The following RIMS2 variants were observed in gnomAD, a reference collection of about 807,000 sequenced individuals.
RIMS2 encodes the protein regulating synaptic membrane exocytosis 2, also known as regulating synaptic membrane exocytosis protein 2.
Under a neutral mutation model 174.4 loss-of-function variants are expected in RIMS2, and 59 were observed. The observed-to-expected ratio is 0.34, with a 90% CI of 0.27 to 0.42. The LOEUF (loss-of-function observed/expected upper bound fraction) is 0.42, where lower values mean the gene tolerates loss of function less well. Ranked by LOEUF, RIMS2 falls within the 10% of genes least tolerant of loss-of-function variation. RIMS2 has a pLI of 1.00. For synonymous variants in RIMS2, 606 were observed against 572.5 expected (o/e 1.06, Z -0.84); for missense variants, 1,620 against 1,666.3 (o/e 0.97, Z 0.48).
chr8:104,206,062 T>G (rs1458116206), intron 19 of RIMS2, among the ~76,000 whole-genome samples: 2 of 152,192 alleles, frequency 1.3e-5, no homozygotes, highest in Non-Finnish European at 2.9e-5. Flanking sequence ...AGCCAAGAAC[T>G]GCTTATTTAT....
intron 19 of RIMS2, among the ~76,000 whole-genome samples, chr8:104,235,886 A>G (rs1002572387): frequency 1.3e-5 from 2 of 152,078 alleles, no homozygotes; most frequent in Admixed American, 6.6e-5. Flanking sequence ...TTGTCCCCCA[A>G]AAAAATGTTT....
At chr8:103,959,411 G>C (rs1329529687) in intron 14 of RIMS2, among the ~76,000 whole-genome samples, 1 of 151,508 alleles carries the variant, frequency 6.6e-6, no homozygotes. Flanking sequence ...ATATTAACAT[G>C]CATACCTAAA....
chr8:103,959,705 T>C (rs1389251051), intron 14 of RIMS2, among the ~76,000 whole-genome samples: 1 of 152,138 alleles, frequency 6.6e-6, no homozygotes, highest in Admixed American at 6.5e-5. Context: ...ATTACAGGCG[T>C]GAGCCACCGT....
Position 103,962,711 on chromosome 8 carries a change from C to G in RIMS2, c.2770+1578C>G, listed in dbSNP as rs528123451. 2.0e-5 allele frequency among the ~76,000 whole-genome samples: 3 copies of G among 152,228 alleles called. No individual in the cohort carries two copies. The East Asian group carries it at 5.8e-4, about 29-fold the overall frequency. On this transcript the variant is annotated intron_variant, in intron 15 of 23. Coordinates refer to ENST00000504942, the Ensembl canonical transcript of RIMS2. Reference sequence around the variant, plus strand: ...CAATCACAGCTCACTGCATCCTCAACTTCCCCAGGCTCATTTGACCCTCTC... The same window carrying G: ...CAATCACAGCTCACTGCATCCTCAAGTTCCCCAGGCTCATTTGACCCTCTC...
At chr8:104,184,026 A>C (rs1055661030) in intron 19 of RIMS2, among the ~76,000 whole-genome samples, 1 of 151,516 alleles carries the variant, frequency 6.6e-6, no homozygotes, top group African/African-American at 2.4e-5. Context: ...ATTTTTTCCT[A>C]TGGCCATGGT....
intron 1 of RIMS2, among the ~76,000 whole-genome samples, chr8:103,504,054 C>T (rs755692552): frequency 2.6e-5 from 4 of 152,066 alleles, no homozygotes; most frequent in Non-Finnish European, 5.9e-5. Flanking sequence ...TTAAAAATCT[C>T]AGTAGAACCC....
chr8:104,130,736 C>A (rs1481617772), intron 19 of RIMS2, among the ~76,000 whole-genome samples: 1 of 152,060 alleles, frequency 6.6e-6, no homozygotes, highest in African/African-American at 2.4e-5. Flanking sequence ...GAAAGCACAT[C>A]AAAGTTATCC....
At chr8:104,048,656 A>T (rs1391163976) in intron 19 of RIMS2, among the ~76,000 whole-genome samples, 2 of 152,186 alleles carry the variant, frequency 1.3e-5, no homozygotes, top group African/African-American at 2.4e-5. Context: ...TAATGGGGCA[A>T]TGGCTAAATA....
rs1390707804 is a variant in RIMS2 at position 103,740,009 on chromosome 8, G to A, written c.388-26218G>A. 3.3e-5 allele frequency among the ~76,000 whole-genome samples: 5 copies of A among 152,114 alleles called. No individual in the cohort carries two copies. In the South Asian group the frequency reaches 1.0e-3, roughly 32 times the overall value. On this transcript the variant is annotated intron_variant, in intron 2 of 23. Transcript: ENST00000504942. ...GATTAAGATGCATATTTATAAATAT[G>A]AACCTTGTCCCAGGCCCAGAGAGAA...
chr8:103,522,091 A>C (rs1282221151), intron 1 of RIMS2, among the ~76,000 whole-genome samples: 1 of 152,066 alleles, frequency 6.6e-6, no homozygotes, highest in Non-Finnish European at 1.5e-5. Context: ...TCAAAGAAAA[A>C]ATCTTCAATA....
intron 2 of RIMS2, among the ~76,000 whole-genome samples, 186 bp from the exon 6 acceptor site, chr8:103,766,041 A>G (rs2098167093): frequency 6.6e-6 from 1 of 152,220 alleles, no homozygotes; most frequent in African/African-American, 2.4e-5. Context: ...CTATTTCATT[A>G]GAATTATTCA....
chr8:103,662,767 A>G (rs918872628), intron 1 of RIMS2, among the ~76,000 whole-genome samples: 4 of 152,156 alleles, frequency 2.6e-5, no homozygotes, highest in African/African-American at 9.7e-5. Context: ...ACAAGCTACA[A>G]GTGTAATTTT....
Position 104,129,362 on chromosome 8 carries a change from G to A in RIMS2, c.3334+114747G>A, listed in dbSNP as rs1292045400. Among the ~76,000 whole-genome samples the A allele has an allele frequency of 2.0e-5, 3 of 152,162 alleles. No homozygotes were observed. In the East Asian group the frequency reaches 5.8e-4, roughly 29 times the overall value. ...GTAATACAACTACACTCCGGCCTGGGAACGAGCAAGACCCTGTCTCAAAGA... is the reference window on the plus strand; with the variant it reads ...GTAATACAACTACACTCCGGCCTGGAAACGAGCAAGACCCTGTCTCAAAGA... On this transcript the variant is annotated intron_variant, in intron 19 of 23. Transcript: ENST00000504942.
chr8:104,144,984 CCAT>C (rs1181764125), intron 19 of RIMS2, among the ~76,000 whole-genome samples: 1 of 152,172 alleles, frequency 6.6e-6, no homozygotes, highest in Non-Finnish European at 1.5e-5. Flanking sequence ...CCATCCCCCA[CCAT>C]CAAGAATATC....
At chr8:103,895,891 A>T (rs2099274892) in intron 4 of RIMS2, among the ~76,000 whole-genome samples, 1 of 151,450 alleles carries the variant, frequency 6.6e-6, no homozygotes, top group African/African-American at 2.4e-5. Flanking sequence ...TGTTAGCCAA[A>T]GATTTGGGTA....
At chr8:103,641,221 G>A (rs898160206) in intron 1 of RIMS2, among the ~76,000 whole-genome samples, 1 of 151,838 alleles carries the variant, frequency 6.6e-6, no homozygotes, top group South Asian at 2.1e-4. Flanking sequence ...ACATTGCTTG[G>A]TGTTATTTAT....
rs757588060 is a variant in RIMS2 at position 103,961,091 on chromosome 8, GTC to G, written c.2732_2733del (p.Ser911Ter). 1 of 1,505,034 alleles carries G rather than the reference GTC, an allele frequency of 6.6e-7. No individual in the cohort carries two copies. Among genetic ancestry groups the G allele is most frequent in the South Asian group, 1.1e-5 (1 of 88,690 alleles). 93.2% of individuals were successfully genotyped at this position (1,505,034 alleles called of 1,614,324 possible). On this transcript the variant is annotated frameshift_variant, in exon 15 of 24. Coordinates refer to ENST00000504942, the Ensembl canonical transcript of RIMS2. LOFTEE classifies it high-confidence loss of function. ...GTCAAAGAGAATAAGTGATAGTGAAGTCTCTGACTATGACTGTGATGATGGAA... is the reference window on the plus strand; with the variant it reads ...GTCAAAGAGAATAAGTGATAGTGAAGTCTGACTATGACTGTGATGATGGAA...
chr8:103,910,523 T>A, intron 5 of RIMS2: 1 of 1,585,860 alleles, frequency 6.3e-7, no homozygotes, highest in Non-Finnish European at 8.6e-7. Flanking sequence ...ATAGCCATAG[T>A]GATAAGGTAC....
intron 3 of RIMS2, among the ~76,000 whole-genome samples, chr8:103,884,783 G>C (rs1181429564): frequency 6.6e-6 from 1 of 151,840 alleles, no homozygotes; most frequent in African/African-American, 2.4e-5. Flanking sequence ...ACCAATACTA[G>C]GAATGATCTA....
Sources: allele counts gnomAD v4.1 joint callset (sites outside exome capture counted in the v4.1 genomes callset), GRCh38; gene constraint gnomAD v4.1.1; transcripts MANE v1.5; gene names NCBI Gene and HGNC (gene_info 2026-07-23, HGNC 2026-07-21).